SHISA9: variants seen among roughly 807,000 people sequenced by gnomAD.
SHISA9 encodes the protein protein shisa-9.
A neutral mutation model predicts 38.0 loss-of-function variants in SHISA9; 13 were observed. That is an observed-to-expected ratio of 0.34 (90% CI 0.22 to 0.54). The LOEUF is 0.54. SHISA9 is among the 20% of genes least tolerant of loss of function. SHISA9 has a pLI of 0.91. For synonymous variants in SHISA9, 275 were observed against 242.0 expected (o/e 1.14, Z -1.27); for missense variants, 538 against 575.8 (o/e 0.93, Z 0.67).
chr16:12,916,490 C>G (rs554992596), intron 1 of SHISA9, among the ~76,000 whole-genome samples, 198 bp from the exon 2 acceptor site: 1 of 152,248 alleles, frequency 6.6e-6, no homozygotes, highest in African/African-American at 2.4e-5. Context: ...TATGCAGTAG[C>G]CTGCGTAAAG....
the SHISA9 span, among the ~76,000 whole-genome samples, chr16:13,430,627 C>A: frequency 6.6e-6 from 1 of 151,926 alleles, no homozygotes; most frequent in Non-Finnish European, 1.5e-5. Flanking sequence ...TTAGACAGAC[C>A]AGGCATGGTG....
chr16:12,993,221 G>C, intron 2 of SHISA9, among the ~76,000 whole-genome samples: 1 of 152,150 alleles, frequency 6.6e-6, no homozygotes, highest in Middle Eastern at 3.2e-3. Context: ...ATAAGGGTTT[G>C]ATTTTCTCCT....
In SHISA9 at chr16:13,106,964, C is replaced by A. The variant is rs1001874804; in HGVS notation, c.692-96430C>A. Among the ~76,000 whole-genome samples the A allele has an allele frequency of 8.4e-4, 71 of 84,918 alleles. 2 individuals carry two copies. Among genetic ancestry groups the A allele is most frequent in the South Asian group, 6.3e-3 (10 of 1,576 alleles). 55.7% of individuals were successfully genotyped at this position (84,918 alleles called of 152,430 possible). On this transcript the variant is annotated intron_variant, in intron 2 of 4. Transcript: ENST00000558583. ...ACATCAATAAACTTGCTCTTTCTCACGTTCTCTCTCTCTCTCTCTCTCTCT... is the reference window on the plus strand; with the variant it reads ...ACATCAATAAACTTGCTCTTTCTCAAGTTCTCTCTCTCTCTCTCTCTCTCT...
the SHISA9 span, among the ~76,000 whole-genome samples, chr16:13,365,154 G>A: frequency 6.6e-6 from 1 of 152,136 alleles, no homozygotes; most frequent in Non-Finnish European, 1.5e-5. Flanking sequence ...AAAACAAACT[G>A]GGGAAGGCCC....
At chr16:13,460,346 G>T in the SHISA9 span, among the ~76,000 whole-genome samples, 1 of 152,084 alleles carries the variant, frequency 6.6e-6, no homozygotes, top group African/African-American at 2.4e-5. Context: ...TTATATATCA[G>T]TCATTTACTG....
chr16:13,254,993 A>AG, the SHISA9 span, among the ~76,000 whole-genome samples: 4 of 152,024 alleles, frequency 2.6e-5, no homozygotes, highest in African/African-American at 9.7e-5. Context: ...GAGCTTCTTT[A>AG]ATTTTTTTTC....
At chr16:12,922,266 C>T (rs2071337634) in intron 2 of SHISA9, among the ~76,000 whole-genome samples, 1 of 152,238 alleles carries the variant, frequency 6.6e-6, no homozygotes, top group African/African-American at 2.4e-5. Context: ...TAACAACTAA[C>T]ATTTATTGAG....
chr16:13,388,334 C>A, the SHISA9 span, among the ~76,000 whole-genome samples: 1 of 140,902 alleles, frequency 7.1e-6, no homozygotes, highest in Admixed American at 7.2e-5. Context: ...TTTTTTAAGA[C>A]AGAGTCTCAC....
At chr16:13,067,421 C>T (rs1225305612) in intron 2 of SHISA9, among the ~76,000 whole-genome samples, 1 of 152,228 alleles carries the variant, frequency 6.6e-6, no homozygotes. Flanking sequence ...CTCTCTGTGC[C>T]TTGGTTTCCT....
chr16:13,530,993 C>G, the SHISA9 span, among the ~76,000 whole-genome samples: 1 of 152,164 alleles, frequency 6.6e-6, no homozygotes, highest in Non-Finnish European at 1.5e-5. Flanking sequence ...CACTTCATGA[C>G]CAGCCTAGGG....
intron 2 of SHISA9, among the ~76,000 whole-genome samples, chr16:13,012,916 C>T (rs1303211614): frequency 6.6e-6 from 1 of 152,126 alleles, no homozygotes; most frequent in Non-Finnish European, 1.5e-5. Flanking sequence ...CTGTGCTTGC[C>T]ATCTCCATGG....
intron 2 of SHISA9, among the ~76,000 whole-genome samples, chr16:12,945,388 G>C (rs2071675531): frequency 6.6e-6 from 1 of 152,096 alleles, no homozygotes; most frequent in Non-Finnish European, 1.5e-5. Flanking sequence ...TATTTCGTTT[G>C]GATTCCTGGA....
chr16:13,249,723 C>T, the SHISA9 span, among the ~76,000 whole-genome samples: 367 of 151,990 alleles, frequency 2.4e-3, no homozygotes, highest in Non-Finnish European at 3.9e-3. Context: ...ACTTGATCTC[C>T]ACCTTTCTTT....
chr16:13,444,864 C>A, the SHISA9 span, among the ~76,000 whole-genome samples: 2 of 151,224 alleles, frequency 1.3e-5, no homozygotes, highest in Admixed American at 1.3e-4. Context: ...GTCACCCAGG[C>A]TGGAGTGCAG....
At chr16:13,375,974 G>GA in the SHISA9 span, among the ~76,000 whole-genome samples, 30 of 149,942 alleles carry the variant, frequency 2.0e-4, no homozygotes, top group East Asian at 1.2e-3. Flanking sequence ...CAAATAGTGG[G>GA]AAAAAAAAAA....
chr16:13,132,666 T>G (rs942947487), intron 2 of SHISA9, among the ~76,000 whole-genome samples: 1 of 152,134 alleles, frequency 6.6e-6, no homozygotes, highest in African/African-American at 2.4e-5. Context: ...GTCTCCTCCT[T>G]GTGATTGTTT....
At chr16:13,168,583 G>C (rs1286281239) in intron 2 of SHISA9, among the ~76,000 whole-genome samples, 1 of 152,214 alleles carries the variant, frequency 6.6e-6, no homozygotes, top group African/African-American at 2.4e-5. Context: ...CCATGAAAGG[G>C]AGAAGGGAGC....
intron 2 of SHISA9, among the ~76,000 whole-genome samples, chr16:12,950,009 C>A: frequency 6.6e-6 from 1 of 152,162 alleles, no homozygotes; most frequent in South Asian, 2.1e-4. Context: ...CAACTTTTCC[C>A]CATTTCCACC....
At chr16:12,912,363 G>A (rs2071196352) in intron 1 of SHISA9, among the ~76,000 whole-genome samples, 1 of 152,172 alleles carries the variant, frequency 6.6e-6, no homozygotes, top group South Asian at 2.1e-4. Context: ...GCGGATGGCA[G>A]AACCGACCAA....
Sources: allele counts gnomAD v4.1 joint callset (sites outside exome capture counted in the v4.1 genomes callset), GRCh38; gene constraint gnomAD v4.1.1; transcripts MANE v1.5; gene names NCBI Gene and HGNC (gene_info 2026-07-23, HGNC 2026-07-21).